WDR72: variants seen among roughly 807,000 people sequenced by gnomAD.
WDR72 encodes WD repeat domain 72.
Under a neutral mutation model 124.2 loss-of-function variants are expected in WDR72, and 120 were observed. The ratio of observed to expected loss-of-function variants is 0.97; its 90% CI spans 0.83 to 1.12. WDR72 has a LOEUF of 1.12. WDR72 is among the 50% of genes most tolerant of loss of function. WDR72 has a pLI of 0.00. For synonymous variants in WDR72, 452 were observed against 441.7 expected (o/e 1.02, Z -0.29); for missense variants, 1,387 against 1,278.8 (o/e 1.08, Z -1.29).
chr15:53,528,799 G>C (rs1892263898), intron 18 of WDR72, among the ~76,000 whole-genome samples: 1 of 151,964 alleles, frequency 6.6e-6, no homozygotes, highest in Non-Finnish European at 1.5e-5. Flanking sequence ...AAATGAGAAA[G>C]AGGTATCAAT....
chr15:53,712,564 C>T (rs2140550501), intron 7 of WDR72, among the ~76,000 whole-genome samples: 1 of 150,884 alleles, frequency 6.6e-6, no homozygotes, highest in South Asian at 2.1e-4. Context: ...CGCTGCACTC[C>T]AGCCTGGGAA....
chr15:53,644,885 G>C (rs933511754), intron 14 of WDR72, among the ~76,000 whole-genome samples: 1 of 152,046 alleles, frequency 6.6e-6, no homozygotes, highest in East Asian at 1.9e-4. Context: ...AATGGCACGG[G>C]CAATCATGGG....
intron 1 of WDR72, among the ~76,000 whole-genome samples, chr15:53,749,601 C>G (rs928047617): frequency 2.0e-5 from 3 of 152,098 alleles, no homozygotes; most frequent in Non-Finnish European, 4.4e-5. Context: ...CACCTTAAAT[C>G]AAAGCCAAAA....
intron 13 of WDR72, among the ~76,000 whole-genome samples, chr15:53,671,015 T>C (rs1252982728): frequency 1.3e-5 from 2 of 152,304 alleles, no homozygotes; most frequent in South Asian, 2.1e-4. Flanking sequence ...AGTAGGATTA[T>C]ATATTTGACT....
At chr15:53,760,882 G>T (rs1398597894), upstream of WDR72, among the ~76,000 whole-genome samples, 1 of 152,182 alleles carries the variant, frequency 6.6e-6, no homozygotes, top group Non-Finnish European at 1.5e-5. Flanking sequence ...CCAGCACTTT[G>T]AGAGGGCGAG....
chr15:53,697,767 A>G (rs142370384), intron 13 of WDR72, among the ~76,000 whole-genome samples: 1 of 152,314 alleles, frequency 6.6e-6, no homozygotes, highest in African/African-American at 2.4e-5. Flanking sequence ...ACATAGAAAA[A>G]TGTCTGACAG....
Position 53,615,845 on chromosome 15 carries a change from A to C in WDR72, c.2361T>G (p.Asp787Glu), listed in dbSNP as rs755382181. ...KMQPKPSRKV[D>E]ASLTIDTAKL... ...TTGCTGTGTCTATTGTGAGACTGGC[A>C]TCTACTTTTCTTGATGGCTTAGGCT... The change falls in exon 15 of 20, where the codon GAT becomes GAG. Residue 787 changes from aspartate to glutamate, a missense_variant. Asp to Glu is a conservative substitution (Grantham distance 45). Transcript: ENST00000360509. The C allele has an allele frequency of 6.2e-7, 1 of 1,613,632 alleles. No individual in the cohort carries two copies. Among genetic ancestry groups the C allele is most frequent in the Non-Finnish European group, 8.5e-7 (1 of 1,179,674 alleles).
At chr15:53,740,492 A>G (rs1044184097) in intron 1 of WDR72, among the ~76,000 whole-genome samples, 30 of 152,164 alleles carry the variant, frequency 2.0e-4, no homozygotes, top group African/African-American at 6.5e-4. Flanking sequence ...TATTTTTAGC[A>G]GAGAACGGGG....
chr15:53,665,489 A>T, intron 14 of WDR72, 83 bp downstream of exon 14: 1 of 1,462,562 alleles, frequency 6.8e-7, no homozygotes, highest in Non-Finnish European at 9.6e-7. Flanking sequence ...GCTGATACTT[A>T]AGTGCCATGT....
chr15:53,621,601 A>G (rs2140377581), intron 14 of WDR72, among the ~76,000 whole-genome samples: 1 of 152,014 alleles, frequency 6.6e-6, no homozygotes, highest in East Asian at 1.9e-4. Flanking sequence ...GAGAATGCAA[A>G]GGCATAAGAA....
At chr15:53,629,306 A>C (rs897353728) in intron 14 of WDR72, among the ~76,000 whole-genome samples, 1 of 152,154 alleles carries the variant, frequency 6.6e-6, no homozygotes, top group East Asian at 1.9e-4. Context: ...CCAAACTTCT[A>C]TAACACAGGG....
chr15:53,671,847 AGAAG>A, intron 13 of WDR72, among the ~76,000 whole-genome samples: 1 of 152,094 alleles, frequency 6.6e-6, no homozygotes, highest in Non-Finnish European at 1.5e-5. Context: ...ACTACAGAAC[AGAAG>A]ATGCTAGTCT....
chr15:53,678,358 G>A (rs1476345154), intron 13 of WDR72, among the ~76,000 whole-genome samples: 1 of 152,080 alleles, frequency 6.6e-6, no homozygotes, highest in Non-Finnish European at 1.5e-5. Flanking sequence ...TAGTATTGGG[G>A]CTAAGAAACA....
chr15:53,674,650 G>A (rs2016102999), intron 13 of WDR72, among the ~76,000 whole-genome samples: 1 of 152,142 alleles, frequency 6.6e-6, no homozygotes, highest in South Asian at 2.1e-4. Context: ...AATAAATTCA[G>A]CTAAAAAATG....
chr15:53,651,056 G>A (rs77475411), intron 14 of WDR72, among the ~76,000 whole-genome samples: 9 of 151,746 alleles, frequency 5.9e-5, no homozygotes, highest in African/African-American at 1.2e-4. Flanking sequence ...TATTCTGTCC[G>A]TCCCTCACTT....
intron 18 of WDR72, among the ~76,000 whole-genome samples, chr15:53,525,707 T>C (rs1001162523): frequency 2.6e-5 from 4 of 152,022 alleles, no homozygotes; most frequent in African/African-American, 9.7e-5. Flanking sequence ...GTAGGTACCA[T>C]GCTACAACTT....
chr15:53,596,315 T>A (rs2012771137), intron 18 of WDR72, among the ~76,000 whole-genome samples: 1 of 152,160 alleles, frequency 6.6e-6, no homozygotes, highest in Admixed American at 6.6e-5. Context: ...TTTACAGTTT[T>A]TAATTTTTTT....
chr15:53,657,660 A>G (rs2140438337), intron 14 of WDR72, among the ~76,000 whole-genome samples: 1 of 152,308 alleles, frequency 6.6e-6, no homozygotes, highest in Non-Finnish European at 1.5e-5. Flanking sequence ...AAACTGAAAT[A>G]AATCTAAAGC....
intron 14 of WDR72, among the ~76,000 whole-genome samples, chr15:53,630,534 CCA>C (rs2014384836): frequency 6.6e-6 from 1 of 151,966 alleles, no homozygotes; most frequent in South Asian, 2.1e-4. Flanking sequence ...AGAATTTATC[CCA>C]CATATAGAGT....
Sources: allele counts gnomAD v4.1 joint callset (sites outside exome capture counted in the v4.1 genomes callset), GRCh38; gene constraint gnomAD v4.1.1; transcripts MANE v1.5; gene names NCBI Gene and HGNC (gene_info 2026-07-23, HGNC 2026-07-21).